The following PTPRD variants were observed in gnomAD, a reference collection of about 807,000 sequenced individuals.
The protein encoded by PTPRD is protein tyrosine phosphatase receptor type D.
In PTPRD, 34 loss-of-function variants were observed where a neutral mutation model predicts 214.5. The observed-to-expected ratio is 0.16, with a 90% CI of 0.12 to 0.21. The LOEUF is 0.21. PTPRD is among the 10% of genes least tolerant of loss of function. The probability of loss-of-function intolerance (pLI) is 1.00; values close to 1 mark genes in which losing one functional copy is unlikely to be tolerated. For synonymous variants in PTPRD, 1,128 were observed against 845.7 expected, an observed-to-expected ratio of 1.33 and a Z score of -5.79; for missense variants, 2,545 against 2,398.7, an observed-to-expected ratio of 1.06 and a Z score of -1.27.
rs1182885004 is a variant in PTPRD, at chr9:9,529,153, C to T, written c.-237+45579G>A. 2.6e-5 allele frequency among the ~76,000 whole-genome samples: 4 copies of T among 151,540 alleles called. No individual in the cohort carries two copies. In the East Asian group the frequency reaches 7.8e-4, roughly 29 times the overall value. ...TTCACCATGTTAGCCAGACTGGTCT[C>T]GAACTCCTGACCTCGTGATCCGCCC... is the stretch of plus-strand genomic sequence containing the variant. On this transcript the variant is annotated intron_variant, in intron 8 of 45. Coordinates refer to ENST00000381196, the MANE Select transcript of PTPRD (RefSeq NM_002839.4).
intron 3 of PTPRD, among the ~76,000 whole-genome samples, chr9:10,084,926 C>T (rs191904575): frequency 6.6e-6 from 1 of 151,774 alleles, no homozygotes; most frequent in East Asian, 1.9e-4. Context: ...TCTCAACTCT[C>T]GTAGATAAAA....
intron 3 of PTPRD, among the ~76,000 whole-genome samples, chr9:10,072,425 G>A (rs1049337116): frequency 6.6e-6 from 1 of 152,078 alleles, no homozygotes; most frequent in Non-Finnish European, 1.5e-5. Flanking sequence ...CCTTCGCAGT[G>A]AGCGTTATAG....
intron 8 of PTPRD, among the ~76,000 whole-genome samples, chr9:9,486,506 T>G (rs989343806): frequency 6.6e-6 from 1 of 152,182 alleles, no homozygotes; most frequent in Non-Finnish European, 1.5e-5. Context: ...TACACTCTTA[T>G]GCTTTTTTTT....
chr9:10,119,166 C>T (rs1001289509), intron 3 of PTPRD, among the ~76,000 whole-genome samples: 5 of 151,880 alleles, frequency 3.3e-5, no homozygotes, highest in Non-Finnish European at 7.4e-5. Context: ...AGGATAACTA[C>T]TATTCATTGA....
chr9:8,726,586 A>T (rs2098564396), intron 12 of PTPRD, among the ~76,000 whole-genome samples: 2 of 18,630 alleles, frequency 1.1e-4, no homozygotes, highest in Non-Finnish European at 2.0e-4. Context: ...AAAAAAAAAA[A>T]AAATATATAT....
chr9:10,342,675 G>T (rs531783402), intron 2 of PTPRD, among the ~76,000 whole-genome samples: 1 of 151,896 alleles, frequency 6.6e-6, no homozygotes, highest in Non-Finnish European at 1.5e-5. Flanking sequence ...ATTCCATGTG[G>T]TGTTTTATAT....
At chr9:9,672,067 T>G (rs1191238946) in intron 7 of PTPRD, among the ~76,000 whole-genome samples, 1 of 152,184 alleles carries the variant, frequency 6.6e-6, no homozygotes, top group Non-Finnish European at 1.5e-5. Flanking sequence ...GTATCTGCTG[T>G]GAGAAATGAA....
rs865857230 is a variant in PTPRD, at chr9:9,835,029, A to G, written c.-367-68178T>C. Among the ~76,000 whole-genome samples, 5 of 151,964 alleles carry G rather than the reference A, an allele frequency of 3.3e-5. No homozygotes were observed. In the South Asian group the frequency reaches 8.3e-4, roughly 25 times the overall value. Reference sequence around the variant, plus strand: ...CTACCACCTTCCTTTATTGTTATATAGTAGATAGGGTACTTAGTTACATAA... The same window carrying G: ...CTACCACCTTCCTTTATTGTTATATGGTAGATAGGGTACTTAGTTACATAA... On this transcript the variant is annotated intron_variant, in intron 5 of 45. Transcript: ENST00000381196.
At chr9:8,792,649 A>T (rs890673311) in intron 11 of PTPRD, among the ~76,000 whole-genome samples, 4 of 152,224 alleles carry the variant, frequency 2.6e-5, no homozygotes, top group Non-Finnish European at 4.4e-5. Context: ...ATCCTTTAAA[A>T]AATGAAATTA....
intron 8 of PTPRD, among the ~76,000 whole-genome samples, chr9:9,488,283 C>A (rs936686955): frequency 4.6e-5 from 7 of 152,178 alleles, no homozygotes; most frequent in African/African-American, 1.7e-4. Context: ...TACAGTAATT[C>A]TTTGGTGTAA....
chr9:9,744,961 G>T (rs980474162), intron 6 of PTPRD, among the ~76,000 whole-genome samples: 1 of 151,938 alleles, frequency 6.6e-6, no homozygotes, highest in African/African-American at 2.4e-5. Flanking sequence ...TCAATAGAAA[G>T]CATTTTCTTG....
At chr9:8,814,548 G>A (rs186544324) in intron 11 of PTPRD, among the ~76,000 whole-genome samples, 27 of 152,224 alleles carry the variant, frequency 1.8e-4, no homozygotes, top group African/African-American at 6.0e-4. Context: ...TACCTGAGGC[G>A]GAAACCCTAG....
intron 3 of PTPRD, among the ~76,000 whole-genome samples, chr9:10,228,212 A>T (rs555212047): frequency 1.3e-4 from 20 of 152,028 alleles, no homozygotes; most frequent in Non-Finnish European, 2.5e-4. Flanking sequence ...ATGTGCCTCT[A>T]TAGAAATGAC....
intron 11 of PTPRD, among the ~76,000 whole-genome samples, chr9:8,754,350 C>A (rs1217764925): frequency 6.6e-6 from 1 of 152,134 alleles, no homozygotes; most frequent in East Asian, 1.9e-4. Context: ...TACCAGTTAC[C>A]AAGACTTATT....
intron 3 of PTPRD, among the ~76,000 whole-genome samples, chr9:10,204,298 G>T (rs753639330): frequency 3.9e-4 from 60 of 151,960 alleles, no homozygotes; most frequent in Admixed American, 2.9e-3. Context: ...ACTCAGTTTT[G>T]GTCAACTCTG....
At chr9:8,457,637 A>G (rs774428032) in intron 33 of PTPRD, among the ~76,000 whole-genome samples, 48 of 152,248 alleles carry the variant, frequency 3.2e-4, no homozygotes, top group Non-Finnish European at 6.2e-4. Context: ...ATATGATAAA[A>G]CTATCTGTAG....
chr9:9,604,290 T>G (rs2093998226), intron 7 of PTPRD, among the ~76,000 whole-genome samples: 1 of 152,152 alleles, frequency 6.6e-6, no homozygotes, highest in Non-Finnish European at 1.5e-5. Flanking sequence ...CATTAAAATA[T>G]GACAGGCACA....
At chr9:8,775,355 G>C (rs967092034) in intron 11 of PTPRD, among the ~76,000 whole-genome samples, 2 of 152,044 alleles carry the variant, frequency 1.3e-5, no homozygotes, top group African/African-American at 2.4e-5. Flanking sequence ...AGTAAGACTG[G>C]GGACACTGCT....
chr9:9,474,354 T>C (rs900520084), intron 8 of PTPRD, among the ~76,000 whole-genome samples: 1 of 152,104 alleles, frequency 6.6e-6, no homozygotes, highest in Middle Eastern at 3.2e-3. Flanking sequence ...TTGATTATGA[T>C]AGCTTTATAG....
Sources: gnomAD v4.1 joint callset for allele counts (sites outside exome capture counted in the v4.1 genomes callset) on GRCh38, gnomAD v4.1.1 for gene constraint, MANE v1.5 for transcripts, NCBI Gene and HGNC (gene_info 2026-07-23, HGNC 2026-07-21) for gene names.